Variants in RGS7 observed in about 807,000 individuals in gnomAD.
RGS7 encodes the protein regulator of G protein signaling 7.
Under a neutral mutation model 81.1 loss-of-function variants are expected in RGS7, and 27 were observed. The observed-to-expected ratio is 0.33, with a 90% CI of 0.25 to 0.46. The LOEUF (loss-of-function observed/expected upper bound fraction) is 0.46. RGS7 is among the 20% of genes least tolerant of loss of function. The pLI is 1.00. For synonymous variants in RGS7, 208 were observed against 207.7 expected (o/e 1.00, Z -0.01); for missense variants, 396 against 607.4 (o/e 0.65, Z 3.66).
chr1:241,227,113 T>A lies in RGS7; in HGVS notation c.79-128351A>T, dbSNP rs181291872. On this transcript the variant is annotated intron_variant, in intron 2 of 18. Transcript: ENST00000440928. The stretch of plus-strand genomic sequence containing the variant: ...CCAAGGACCTTAAAATTCACTTATG[T>A]CAAGAGGGGAAAAGGAGGAATCTAC... Among the ~76,000 whole-genome samples the A allele has an allele frequency of 4.0e-3, 604 of 152,250 alleles. 18 individuals carry two copies. The highest frequency in any genetic ancestry group is 1.7e-3 in the East Asian group (9 of 5,170).
In RGS7 at chr1:241,144,926, G is replaced by GGGGTGT. The variant is rs2068191841; in HGVS notation, c.79-46165_79-46164insACACCC. ...TCAGTATGTGTTGGCAGGGCAGGAT[G>GGGGTGT]GTGTGTGTGTGTGTGTGTGTGTGTG... On this transcript the variant is annotated intron_variant, in intron 2 of 18. Transcript: ENST00000440928. This position sits in a 1 kb window ranked among gnomAD's most constrained non-coding sequence, Gnocchi z 4.7. 7.0e-6 allele frequency among the ~76,000 whole-genome samples: 1 copy of GGGGTGT among 141,904 alleles called. No individual in the cohort carries two copies. The highest frequency in any genetic ancestry group is 2.3e-4 in the South Asian group (1 of 4,368). 93.1% of individuals were successfully genotyped at this position (141,904 alleles called of 152,430 possible).
chr1:241,059,020 C>T (rs1038119702), intron 3 of RGS7, among the ~76,000 whole-genome samples: 3 of 152,190 alleles, frequency 2.0e-5, no homozygotes, highest in African/African-American at 7.2e-5. Flanking sequence ...TTGTCCTAAC[C>T]TATTGCATCT....
chr1:241,198,273 A>G (rs1282385507), intron 2 of RGS7, among the ~76,000 whole-genome samples: 1 of 152,062 alleles, frequency 6.6e-6, no homozygotes, highest in Non-Finnish European at 1.5e-5. Flanking sequence ...ACGATTAAGC[A>G]CTAAACTCAA....
chr1:240,859,359 C>T (rs1558366711), intron 9 of RGS7, among the ~76,000 whole-genome samples: 1 of 150,234 alleles, frequency 6.7e-6, no homozygotes, highest in Non-Finnish European at 1.5e-5. Flanking sequence ...TAGGCCTTCT[C>T]ATTAATATAT....
rs142317005 is a variant in RGS7 at position 240,993,093 on chromosome 1, A to G, written c.176-9964T>C. Among the ~76,000 whole-genome samples the G allele has an allele frequency of 7.5e-4, 64 of 85,498 alleles. 1 individual carries two copies. Among genetic ancestry groups the G allele is most frequent in the Admixed American group, 2.9e-3 (22 of 7,632 alleles). 56.1% of individuals were successfully genotyped at this position (85,498 alleles called of 152,430 possible). A position where few individuals can be genotyped will look rare whatever the true frequency, so the allele number is the denominator to read the frequency against. On this transcript the variant is annotated intron_variant, in intron 3 of 18. Coordinates refer to ENST00000440928, the MANE Select transcript of RGS7 (RefSeq NM_001364886.1). ...GGAAAGAAACAGAAGGAAGGAAGGAAGGAGGGAGGGAGGGAGGGAGGGAAG... is the reference window on the plus strand; with the variant it reads ...GGAAAGAAACAGAAGGAAGGAAGGAGGGAGGGAGGGAGGGAGGGAGGGAAG...
At chr1:240,837,453 G>C (rs1694907726) in intron 9 of RGS7, among the ~76,000 whole-genome samples, 1 of 152,136 alleles carries the variant, frequency 6.6e-6, no homozygotes, top group African/African-American at 2.4e-5. Context: ...TGGCATATTG[G>C]GTACTTTTAT....
chr1:241,346,512 T>C (rs1032142367), intron 2 of RGS7, among the ~76,000 whole-genome samples: 6 of 152,190 alleles, frequency 3.9e-5, no homozygotes, highest in African/African-American at 9.6e-5. Context: ...CAGGCATTCA[T>C]TCACTATTTT....
At chr1:241,196,422 C>A (rs1009196546) in intron 2 of RGS7, among the ~76,000 whole-genome samples, 56 of 151,750 alleles carry the variant, frequency 3.7e-4, no homozygotes, top group African/African-American at 1.2e-3. Context: ...CATCAGAGAG[C>A]ATGGAGAAAA....
At chr1:241,229,876 G>A (rs1280591563) in intron 2 of RGS7, among the ~76,000 whole-genome samples, 1 of 152,142 alleles carries the variant, frequency 6.6e-6, no homozygotes, top group Non-Finnish European at 1.5e-5. Context: ...GAATAGCAAT[G>A]GGCTTGGCCT....
At chr1:241,097,064 G>A (rs956377342) in intron 3 of RGS7, among the ~76,000 whole-genome samples, 2 of 152,074 alleles carry the variant, frequency 1.3e-5, no homozygotes, top group Non-Finnish European at 2.9e-5. Flanking sequence ...CTAGGGACAT[G>A]TGCAAAATAA....
rs140458072 is a variant in RGS7, at chr1:241,150,867, T to A, written c.79-52105A>T. ...GCCTGAGAATCAAGGAAGTTAATGGTGTAGCTCTGTCTGAGGCCAAAGGCA... is the reference window on the plus strand; with the variant it reads ...GCCTGAGAATCAAGGAAGTTAATGGAGTAGCTCTGTCTGAGGCCAAAGGCA... On this transcript the variant is annotated intron_variant, in intron 2 of 18. Coordinates refer to ENST00000440928, the MANE Select transcript of RGS7 (RefSeq NM_001364886.1). 4.1e-3 allele frequency among the ~76,000 whole-genome samples: 565 copies of A among 139,326 alleles called. 5 individuals carry two copies. The highest frequency in any genetic ancestry group is 5.9e-3 in the Non-Finnish European group (404 of 67,914). 91.4% of individuals were successfully genotyped at this position (139,326 alleles called of 152,430 possible).
intron 2 of RGS7, among the ~76,000 whole-genome samples, chr1:241,153,316 T>G (rs1005910716): frequency 6.6e-6 from 1 of 152,234 alleles, no homozygotes; most frequent in Non-Finnish European, 1.5e-5. Context: ...GCCTTCAAGC[T>G]GGATGCAATG....
At chr1:240,782,051 G>T (rs1242688637) in intron 18 of RGS7, among the ~76,000 whole-genome samples, 2 of 152,080 alleles carry the variant, frequency 1.3e-5, no homozygotes, top group African/African-American at 2.4e-5. Flanking sequence ...CAGCACTGAG[G>T]TCAAAGCAGA....
chr1:240,909,291 C>G (rs1671341096), intron 6 of RGS7, among the ~76,000 whole-genome samples: 1 of 152,212 alleles, frequency 6.6e-6, no homozygotes, highest in Admixed American at 6.5e-5. Context: ...CATTTCTAGA[C>G]TATAAACTTC....
chr1:241,244,494 T>C (rs551223794), intron 2 of RGS7, among the ~76,000 whole-genome samples: 129 of 152,268 alleles, frequency 8.5e-4, no homozygotes, highest in Non-Finnish European at 1.3e-3. Flanking sequence ...AGGAACACTT[T>C]TACACTATTG....
At chr1:241,082,497 G>GT (rs1033222141) in intron 3 of RGS7, among the ~76,000 whole-genome samples, 2 of 152,146 alleles carry the variant, frequency 1.3e-5, no homozygotes, top group African/African-American at 4.8e-5. Context: ...CATCTTGGTC[G>GT]TATCAGATGG....
chr1:240,849,367 A>G (rs1055313931), intron 9 of RGS7, among the ~76,000 whole-genome samples: 5 of 152,186 alleles, frequency 3.3e-5, no homozygotes, highest in East Asian at 1.9e-4. Context: ...GCAATTCAGA[A>G]CACCTGGATT....
intron 2 of RGS7, among the ~76,000 whole-genome samples, chr1:241,137,925 C>G (rs1052585616): frequency 1.3e-5 from 2 of 152,108 alleles, no homozygotes; most frequent in Admixed American, 6.5e-5. Flanking sequence ...AATCCCAGCA[C>G]TTTGGAAGGC....
In RGS7 at chr1:241,228,257, T is replaced by C. The variant is rs899406758; in HGVS notation, c.78+127442A>G. On this transcript the variant is annotated intron_variant, in intron 2 of 18. Transcript: ENST00000440928. ...CCAAAACACGTGAATGAGGAAATCA[T>C]TGTAGAAGTGATCTCCTCCCAGCCA... is the stretch of plus-strand genomic sequence containing the variant. 3.3e-5 allele frequency among the ~76,000 whole-genome samples: 5 copies of C among 152,208 alleles called. No individual in the cohort carries two copies. In the East Asian group the frequency reaches 5.8e-4, roughly 18 times the overall value.
Sources: allele counts gnomAD v4.1 joint callset (sites outside exome capture counted in the v4.1 genomes callset), GRCh38; gene constraint gnomAD v4.1.1; non-coding constraint Gnocchi (gnomAD v3.1); transcripts MANE v1.5; gene names NCBI Gene and HGNC (gene_info 2026-07-23, HGNC 2026-07-21).